RFX7: variants seen among roughly 807,000 people sequenced by gnomAD.
RFX7 encodes regulatory factor X7, also known as DNA-binding protein RFX7.
Under a neutral mutation model 111.8 loss-of-function variants are expected in RFX7, and 26 were observed. The observed-to-expected ratio is 0.23, with a 90% CI of 0.17 to 0.32. RFX7 has a LOEUF of 0.32. Among genes scored for constraint, RFX7 ranks in the 10% least tolerant of loss-of-function variants. RFX7 has a pLI of 1.00. For missense variants in RFX7, 1,573 were observed against 1,772.9 expected (o/e 0.89, Z 2.02); for synonymous variants, 624 against 624.4 (o/e 1.00, Z 0.01).
intron 2 of RFX7, among the ~76,000 whole-genome samples, chr15:56,240,571 A>G (rs146362377): frequency 1.3e-5 from 2 of 152,272 alleles, no homozygotes. Context: ...CTATATTTAT[A>G]TTTGTAGAGT....
chr15:56,096,677 C>T (rs1157256262), intron 9 of RFX7, 57 bp from the exon 10 acceptor site: 1 of 1,463,656 alleles, frequency 6.8e-7, no homozygotes, highest in Non-Finnish European at 9.1e-7. Context: ...AATAGTAATT[C>T]ATGTATCTGT....
intron 2 of RFX7, among the ~76,000 whole-genome samples, chr15:56,231,242 GA>G (rs2043553574): frequency 1.3e-5 from 2 of 152,172 alleles, no homozygotes; most frequent in Admixed American, 1.3e-4. Flanking sequence ...ATGACATGGT[GA>G]AATACTGAAT....
At position 56,216,542 on chromosome 15, in the gene RFX7, T is replaced by C. The variant is rs971287639; in HGVS notation, c.161+26583A>G. 4.6e-5 allele frequency among the ~76,000 whole-genome samples: 7 copies of C among 152,198 alleles called. 1 individual carries two copies. In the East Asian group the frequency reaches 1.3e-3, roughly 29 times the overall value. ...TCACTTCTGACCCCGGAACATTTAA[T>C]ACAAGTTTGCAAAGAAACCAAATTA... On this transcript the variant is annotated intron_variant, in intron 2 of 9. Transcript: ENST00000559447.
At chr15:56,168,913 T>C (rs561400538) in intron 3 of RFX7, among the ~76,000 whole-genome samples, 170 of 152,342 alleles carry the variant, frequency 1.1e-3, no homozygotes, top group African/African-American at 4.0e-3. Flanking sequence ...AGGACTCTGG[T>C]GGCATTGCAG....
At chr15:56,104,518 G>A (rs550295146) in intron 5 of RFX7, among the ~76,000 whole-genome samples, 2 of 152,338 alleles carry the variant, frequency 1.3e-5, no homozygotes, top group South Asian at 2.1e-4. Flanking sequence ...AACCAGGACA[G>A]CTTCTTGATG....
intron 3 of RFX7, among the ~76,000 whole-genome samples, chr15:56,146,642 A>G (rs2042477367): frequency 6.6e-6 from 1 of 152,194 alleles, no homozygotes; most frequent in South Asian, 2.1e-4. Context: ...ATTTCAGAAG[A>G]TGTTCTAAAT....
chr15:56,174,054 C>G (rs4774234), intron 3 of RFX7, among the ~76,000 whole-genome samples: 148,148 of 152,234 alleles, frequency 0.97, 72,217 homozygotes, highest in East Asian at 1. Context: ...GAGGTGGGTG[C>G]ATCACCTGAG....
chr15:56,170,790 A>T (rs1367013013), intron 3 of RFX7, among the ~76,000 whole-genome samples: 1 of 152,180 alleles, frequency 6.6e-6, no homozygotes, highest in African/African-American at 2.4e-5. Context: ...AAACATTTCT[A>T]CCACCACAGA....
At chr15:56,178,215 A>G (rs2141128240) in intron 3 of RFX7, among the ~76,000 whole-genome samples, 2 of 150,800 alleles carry the variant, frequency 1.3e-5, no homozygotes, top group South Asian at 4.2e-4. Context: ...ACACACAACA[A>G]AAAGAAGAGT....
intron 3 of RFX7, among the ~76,000 whole-genome samples, chr15:56,149,780 A>G (rs1482186910): frequency 6.6e-6 from 1 of 150,982 alleles, no homozygotes; most frequent in African/African-American, 2.4e-5. Context: ...AATTGGGCAG[A>G]CACCGAACTA....
chr15:56,216,802 A>T (rs2043366811), intron 2 of RFX7, among the ~76,000 whole-genome samples: 1 of 152,246 alleles, frequency 6.6e-6, no homozygotes, highest in South Asian at 2.1e-4. Context: ...TACATCTTCT[A>T]ATTTTTGTCA....
rs774656778 is a variant in RFX7, at chr15:56,094,012, G to C, written c.3716C>G (p.Ala1239Gly). The change falls in exon 10 of 10, where the codon GCT becomes GGT. Residue 1239 changes from alanine (A) to glycine (G), a missense_variant. This residue lies in a region of RFX7 where 411 missense variants were observed against 478.1 expected (regional missense o/e 0.86). Transcript: ENST00000559447. ...TVMMQTAFPN[A>G]LQKQANSKKI... ...TTTACTGTTTGCTTGCTTCTGAAGA[G>C]CGTTTGGGAAGGCTGTCTGCATCAT... The C allele has an allele frequency of 5.6e-6, 9 of 1,613,978 alleles. No homozygotes were observed. The South Asian group carries it at 9.9e-5, about 18-fold the overall frequency.
At chr15:56,112,675 A>G (rs2041955862) in intron 5 of RFX7, among the ~76,000 whole-genome samples, 1 of 152,184 alleles carries the variant, frequency 6.6e-6, no homozygotes, top group Non-Finnish European at 1.5e-5. Flanking sequence ...TAAACTAAAG[A>G]GCTGCACAGC....
At chr15:56,208,242 T>C (rs1218583615) in intron 2 of RFX7, among the ~76,000 whole-genome samples, 1 of 152,144 alleles carries the variant, frequency 6.6e-6, no homozygotes, top group Non-Finnish European at 1.5e-5. Flanking sequence ...CCAGAGCCTA[T>C]CCTGCTGGAG....
At chr15:56,151,061 G>A (rs912557525) in intron 3 of RFX7, among the ~76,000 whole-genome samples, 13 of 152,202 alleles carry the variant, frequency 8.5e-5, no homozygotes, top group African/African-American at 3.1e-4. Flanking sequence ...ATGGGACTAC[G>A]TGAAAAGACC....
intron 3 of RFX7, among the ~76,000 whole-genome samples, chr15:56,172,747 A>C (rs1354583682): frequency 1.3e-5 from 2 of 152,226 alleles, no homozygotes; most frequent in Non-Finnish European, 2.9e-5. Context: ...GCTTGAGCTA[A>C]AGAAGTCTGA....
chr15:56,144,541 A>T (rs2042442792), intron 3 of RFX7, 58 bp from the exon 4 acceptor site: 1 of 929,524 alleles, frequency 1.1e-6, no homozygotes. Flanking sequence ...TTTTTCCCCA[A>T]ACAAAATTTA....
intron 2 of RFX7, among the ~76,000 whole-genome samples, chr15:56,210,280 T>A (rs1322223872): frequency 6.6e-6 from 1 of 152,050 alleles, no homozygotes; most frequent in Non-Finnish European, 1.5e-5. Context: ...CCTAAATGTA[T>A]ATGAACCTAA....
chr15:56,100,299 C>T (rs143219360), intron 8 of RFX7, among the ~76,000 whole-genome samples: 53 of 152,280 alleles, frequency 3.5e-4, no homozygotes, highest in African/African-American at 1.2e-3. Context: ...AAGCATTCTC[C>T]TGCTGGTCAG....
Sources: gnomAD v4.1 joint callset for allele counts (sites outside exome capture counted in the v4.1 genomes callset) on GRCh38, gnomAD v4.1.1 for gene constraint, gnomAD v4.1.1 regional missense constraint, MANE v1.5 for transcripts, NCBI Gene and HGNC (gene_info 2026-07-23, HGNC 2026-07-21) for gene names.